MCC: variants seen among roughly 807,000 people sequenced by gnomAD.
MCC encodes the protein colorectal mutant cancer protein.
MCC carries 90 observed loss-of-function variants against 116.2 expected under a neutral mutation model. The observed-to-expected ratio is 0.77, with a 90% CI of 0.65 to 0.92. The LOEUF (loss-of-function observed/expected upper bound fraction) is 0.92. MCC is among the 40% of genes least tolerant of loss of function. The pLI, the probability that MCC is intolerant of heterozygous loss-of-function variation, is 0.00. For missense variants in MCC, 1,516 were observed against 1,312.2 expected (o/e 1.16, Z -2.40); for synonymous variants, 578 against 510.5 (o/e 1.13, Z -1.78).
intron 17 of MCC, among the ~76,000 whole-genome samples, chr5:113,037,353 G>A (rs769783600): frequency 1.4e-4 from 21 of 152,118 alleles, no homozygotes; most frequent in Non-Finnish European, 2.8e-4. Context: ...TGGCTTTTTC[G>A]AAGGCACTGG....
intron 3 of MCC, among the ~76,000 whole-genome samples, chr5:113,259,028 T>C (rs1046812653): frequency 1.3e-5 from 2 of 151,864 alleles, no homozygotes; most frequent in African/African-American, 4.9e-5. Flanking sequence ...ATTTAACTTG[T>C]AGATGTGTGT....
chr5:113,315,306 C>T (rs1767250138), intron 3 of MCC, among the ~76,000 whole-genome samples: 1 of 152,094 alleles, frequency 6.6e-6, no homozygotes, highest in Admixed American at 6.5e-5. Context: ...AAGGTACTGC[C>T]TGTTTTATTA....
chr5:113,405,271 C>T (rs1051787711), intron 1 of MCC, among the ~76,000 whole-genome samples: 1 of 152,210 alleles, frequency 6.6e-6, no homozygotes, highest in Non-Finnish European at 1.5e-5. Context: ...TTGCAATTTA[C>T]ACTTGGCCTT....
rs762217482 is a variant in MCC at position 113,059,811 on chromosome 5, T to A, written c.2213+4173A>T. Among the ~76,000 whole-genome samples, 80 of 152,216 alleles carry A rather than the reference T, an allele frequency of 5.3e-4. 1 individual carries two copies. The highest frequency in any genetic ancestry group is 1.1e-3 in the Non-Finnish European group (74 of 68,046). On this transcript the variant is annotated intron_variant, in intron 14 of 18. Coordinates refer to ENST00000408903, the MANE Select transcript of MCC (RefSeq NM_001085377.2). ...CAGCAGGCCTGTAGCCTGGTGGGAA[T>A]GCGGGGCTGGCTGGTTCGGGACGGT...
At chr5:113,421,393 C>T (rs1770329788) in intron 1 of MCC, among the ~76,000 whole-genome samples, 1 of 152,128 alleles carries the variant, frequency 6.6e-6, no homozygotes, top group Non-Finnish European at 1.5e-5. Flanking sequence ...TTTCAGCAAA[C>T]TTCCCTAGAC....
chr5:113,442,252 G>C (rs549330846), intron 1 of MCC, among the ~76,000 whole-genome samples: 7 of 152,322 alleles, frequency 4.6e-5, no homozygotes, highest in African/African-American at 1.7e-4. Flanking sequence ...CTAGTGACCA[G>C]TGATGATGAG....
At chr5:113,406,649 A>G (rs777792278) in intron 1 of MCC, among the ~76,000 whole-genome samples, 5 of 152,326 alleles carry the variant, frequency 3.3e-5, no homozygotes, top group Middle Eastern at 3.4e-3. Context: ...CTGGCTATTC[A>G]TTCAGAATAA....
At chr5:113,445,694 T>A (rs984288877) in intron 1 of MCC, among the ~76,000 whole-genome samples, 1 of 152,108 alleles carries the variant, frequency 6.6e-6, no homozygotes, top group Non-Finnish European at 1.5e-5. Flanking sequence ...TCAATGCTAT[T>A]CCTATCAAAC....
intron 1 of MCC, among the ~76,000 whole-genome samples, chr5:113,487,370 G>A (rs1772562679): frequency 6.6e-6 from 1 of 152,204 alleles, no homozygotes; most frequent in East Asian, 1.9e-4. Flanking sequence ...AATGGCCGGT[G>A]TCAACCATTC....
At chr5:113,278,430 C>G (rs1306377227) in intron 3 of MCC, among the ~76,000 whole-genome samples, 2 of 152,180 alleles carry the variant, frequency 1.3e-5, no homozygotes, top group African/African-American at 2.4e-5. Context: ...CAGGCCTTTA[C>G]AGTGTATTAA....
intron 5 of MCC, among the ~76,000 whole-genome samples, chr5:113,126,074 G>A (rs554957670): frequency 1.3e-5 from 2 of 152,266 alleles, no homozygotes; most frequent in South Asian, 4.1e-4. Flanking sequence ...TTTCTCCTTG[G>A]AACATAAAGG....
chr5:113,315,767 C>G (rs919015322), intron 3 of MCC, among the ~76,000 whole-genome samples: 8 of 150,260 alleles, frequency 5.3e-5, no homozygotes, highest in African/African-American at 1.7e-4. Context: ...GTCCCAGCTA[C>G]TGAAGAGGCT....
At chr5:113,206,774 T>A (rs1034421746) in intron 3 of MCC, among the ~76,000 whole-genome samples, 1 of 152,238 alleles carries the variant, frequency 6.6e-6, no homozygotes, top group Non-Finnish European at 1.5e-5. Context: ...ATCTTGTACT[T>A]AAAAAGTAAG....
intron 1 of MCC, among the ~76,000 whole-genome samples, chr5:113,470,130 T>C (rs1249802125): frequency 4.0e-5 from 6 of 151,698 alleles, no homozygotes; most frequent in African/African-American, 1.4e-4. Context: ...CTTGACTCTT[T>C]ATCCAATTTG....
chr5:113,487,628 T>C (rs971747348), intron 1 of MCC, among the ~76,000 whole-genome samples: 3 of 152,248 alleles, frequency 2.0e-5, no homozygotes, highest in Admixed American at 6.5e-5. Context: ...GAGTCGGGTC[T>C]AGCCCTAGTT....
intron 3 of MCC, among the ~76,000 whole-genome samples, chr5:113,271,996 G>T (rs1023825032): frequency 1.4e-4 from 21 of 152,118 alleles, no homozygotes; most frequent in African/African-American, 5.1e-4. Flanking sequence ...ACTCAAACAA[G>T]TAAGAATATT....
chr5:113,439,590 G>A (rs1339433864), intron 1 of MCC, among the ~76,000 whole-genome samples: 4 of 152,208 alleles, frequency 2.6e-5, no homozygotes, highest in Admixed American at 6.5e-5. Flanking sequence ...CCAATGGCCA[G>A]TCGTAAGTTT....
intron 3 of MCC, among the ~76,000 whole-genome samples, chr5:113,301,439 TG>T (rs1766859791): frequency 6.7e-6 from 1 of 150,214 alleles, no homozygotes; most frequent in Non-Finnish European, 1.5e-5. Context: ...CACCCCAGCC[TG>T]GGCAACAAGA....
intron 1 of MCC, among the ~76,000 whole-genome samples, chr5:113,442,298 T>C (rs1771064673): frequency 6.6e-6 from 1 of 152,248 alleles, no homozygotes; most frequent in Non-Finnish European, 1.5e-5. Flanking sequence ...CATAAATGTC[T>C]TCTTTTGAGA....
Sources: allele counts gnomAD v4.1 joint callset (sites outside exome capture counted in the v4.1 genomes callset), GRCh38; gene constraint gnomAD v4.1.1; transcripts MANE v1.5; gene names NCBI Gene and HGNC (gene_info 2026-07-23, HGNC 2026-07-21).